Variants in PCDHA10 observed in about 807,000 individuals in gnomAD.
The protein encoded by PCDHA10 is protocadherin alpha-10.
Under a neutral mutation model 61.2 loss-of-function variants are expected in PCDHA10, and 45 were observed. The observed-to-expected ratio is 0.74, with a 90% CI of 0.58 to 0.94. The LOEUF (loss-of-function observed/expected upper bound fraction) is 0.94, where lower values mean the gene tolerates loss of function less well. Ranked by LOEUF, PCDHA10 falls within the 40% of genes least tolerant of loss-of-function variation. The pLI is 0.00. For missense variants in PCDHA10, 1,278 were observed against 1,236.2 expected (o/e 1.03, Z -0.51); for synonymous variants, 602 against 548.8 (o/e 1.10, Z -1.35).
chr5:140,985,739 CTTTTTTT>C (rs11372071), intron 3 of PCDHA10, among the ~76,000 whole-genome samples: 2 of 117,922 alleles, frequency 1.7e-5, no homozygotes, highest in African/African-American at 6.4e-5. Flanking sequence ...TGATGAATTC[CTTTTTTT>C]TTTTTTTTTT....
chr5:140,861,804 T>C (rs36095340), intron 1 of PCDHA10: 19,400 of 158,354 alleles, frequency 0.12, 1,289 homozygotes, highest in Middle Eastern at 0.19. Flanking sequence ...AGGTGTATTT[T>C]AAAAATTCTT....
chr5:140,881,310 G>A (rs782291557), intron 1 of PCDHA10: 31 of 977,830 alleles, frequency 3.2e-5, no homozygotes, highest in Non-Finnish European at 3.6e-5. Flanking sequence ...TAACCTCCTG[G>A]TTAAATTCTA....
At position 141,010,262 on chromosome 5, in the gene PCDHA10, C is replaced by A; in HGVS notation, c.*325C>A. 4 of 1,551,728 alleles carry A rather than the reference C, an allele frequency of 2.6e-6. No homozygotes were observed. Among genetic ancestry groups the A allele is most frequent in the Non-Finnish European group, 3.5e-6 (4 of 1,146,994 alleles). On this transcript the variant is annotated 3_prime_UTR_variant, in exon 4 of 4. Transcript: ENST00000307360. ...GAGGTTGGACTCTCTGCCCTGTGCT[C>A]CGGGGATCCTGTCTTGATGACACTT...
intron 1 of PCDHA10, among the ~76,000 whole-genome samples, chr5:140,946,631 T>TATATATTATATATATATATATATATACAC (rs57893927): frequency 7.6e-6 from 1 of 131,846 alleles, no homozygotes; most frequent in African/African-American, 3.5e-5. Flanking sequence ...TATATATATA[T>TATATATTATATATATATATATATATACAC]ACAATGGAAT....
chr5:140,858,112 G>A lies in PCDHA10; in HGVS notation c.2064G>A (p.Glu688=), dbSNP rs943720366. The change falls in exon 1 of 4, where the codon GAG becomes GAA. Residue 688 remains glutamate (E), a synonymous_variant. Coordinates refer to ENST00000307360, the MANE Select transcript of PCDHA10 (RefSeq NM_018901.4). ...SSRASVGVAP[E]VALVDVNVYL... is the part of the protein sequence containing the mutation. ...GGGCTTCAGTGGGCGTGGCGCCCGA[G>A]GTGGCCCTGGTGGATGTCAACGTGT... 27 of 1,597,680 alleles carry A rather than the reference G, an allele frequency of 1.7e-5. No individual in the cohort carries two copies. The highest frequency in any genetic ancestry group is 2.3e-5 in the Non-Finnish European group (27 of 1,167,638).
chr5:140,990,198 C>T (rs954813003), intron 3 of PCDHA10, among the ~76,000 whole-genome samples: 5 of 151,968 alleles, frequency 3.3e-5, no homozygotes, highest in South Asian at 2.1e-4. Context: ...AATGTGGACC[C>T]GAAAGAGAAC....
intron 1 of PCDHA10, among the ~76,000 whole-genome samples, chr5:140,899,251 G>T (rs1322090098): frequency 2.6e-5 from 4 of 152,082 alleles, no homozygotes; most frequent in African/African-American, 9.7e-5. Flanking sequence ...GTGAGAGAGG[G>T]CATCCCTGTC....
At chr5:140,972,925 G>T (rs1297920795) in intron 1 of PCDHA10, among the ~76,000 whole-genome samples, 1 of 152,120 alleles carries the variant, frequency 6.6e-6, no homozygotes, top group Non-Finnish European at 1.5e-5. Context: ...GCCTCCCAAA[G>T]TGCTGGGATT....
Position 140,856,390 on chromosome 5 carries a change from G to A in PCDHA10, c.342G>A (p.Gln114=), listed in dbSNP as rs2043967931. The change falls in exon 1 of 4, where the codon CAG becomes CAA. Residue 114 remains glutamine (Q), a synonymous_variant. Coordinates refer to ENST00000307360, the MANE Select transcript of PCDHA10 (RefSeq NM_018901.4). ...HLEVIVDRPL[Q]VFHVDVEVKD... ...AGGTGATCGTGGACAGGCCGCTGCA[G>A]GTTTTCCATGTGGACGTGGAAGTGA... is the stretch of plus-strand genomic sequence containing the variant. 3 of 1,598,440 alleles carry A rather than the reference G, an allele frequency of 1.9e-6. 1 individual carries two copies. The highest frequency in any genetic ancestry group is 2.6e-6 in the Non-Finnish European group (3 of 1,167,994).
chr5:140,877,458 G>C, intron 1 of PCDHA10: 1 of 1,613,814 alleles, frequency 6.2e-7, no homozygotes, highest in Non-Finnish European at 8.5e-7. Context: ...TGACGTCCAC[G>C]GCCACGGTGC....
intron 1 of PCDHA10, among the ~76,000 whole-genome samples, chr5:140,975,119 A>C (rs2096654213): frequency 6.6e-6 from 1 of 152,038 alleles, no homozygotes; most frequent in African/African-American, 2.4e-5. Context: ...CTGTTTTCCT[A>C]CTTACTATTG....
At chr5:140,996,752 G>T (rs1454271001) in intron 3 of PCDHA10, among the ~76,000 whole-genome samples, 4 of 152,090 alleles carry the variant, frequency 2.6e-5, no homozygotes, top group African/African-American at 7.2e-5. Context: ...AATTATATCT[G>T]TGCAGGACTA....
chr5:140,946,491 G>T (rs1292553232), intron 1 of PCDHA10, among the ~76,000 whole-genome samples: 2 of 151,676 alleles, frequency 1.3e-5, no homozygotes, highest in Middle Eastern at 3.4e-3. Context: ...CAAAGGAAAT[G>T]AAATCAGTAT....
intron 1 of PCDHA10, among the ~76,000 whole-genome samples, chr5:140,878,982 T>C (rs1484097371): frequency 2.0e-5 from 3 of 152,206 alleles, no homozygotes; most frequent in African/African-American, 4.8e-5. Flanking sequence ...CCCTCTATCT[T>C]AGAAATGAGA....
At chr5:140,884,148 A>G in intron 1 of PCDHA10, 3 of 1,613,432 alleles carry the variant, frequency 1.9e-6, no homozygotes, top group Non-Finnish European at 2.5e-6. Context: ...GTGGGGCTGT[A>G]CACTGGCGAG....
intron 1 of PCDHA10, chr5:140,966,135 T>A (rs1456572936): frequency 1.2e-5 from 2 of 162,166 alleles, no homozygotes; most frequent in African/African-American, 4.8e-5. Context: ...CCCCTCAGTT[T>A]ATTTTCCTGA....
In PCDHA10 at chr5:141,010,299, T is replaced by G; in HGVS notation, c.*362T>G. ...TCTTGATGACACTTGCAGGGCAGGCTGAAAAGTTTTGAGATTGAGCAGCTT... is the reference window on the plus strand; with the variant it reads ...TCTTGATGACACTTGCAGGGCAGGCGGAAAAGTTTTGAGATTGAGCAGCTT... On this transcript the variant is annotated 3_prime_UTR_variant, in exon 4 of 4. Transcript: ENST00000307360. 6.5e-7 allele frequency: 1 copy of G among 1,549,016 alleles called. No homozygotes were observed. The highest frequency in any genetic ancestry group is 2.4e-5 in the East Asian group (1 of 40,892).
At chr5:140,860,192 C>CATATATATATAT (rs143984774) in intron 1 of PCDHA10, 7 of 146,860 alleles carry the variant, frequency 4.8e-5, no homozygotes, top group African/African-American at 1.8e-4. Context: ...GCTCTCCTTA[C>CATATATATATAT]ATATATATCT....
chr5:140,871,499 G>T, intron 1 of PCDHA10: 1 of 1,584,436 alleles, frequency 6.3e-7, no homozygotes, highest in Admixed American at 1.8e-5. Flanking sequence ...GGACAGGTGA[G>T]TTTTCTACAG....
Sources: allele counts gnomAD v4.1 joint callset (sites outside exome capture counted in the v4.1 genomes callset), GRCh38; gene constraint gnomAD v4.1.1; transcripts MANE v1.5; gene names NCBI Gene and HGNC (gene_info 2026-07-23, HGNC 2026-07-21).